Variants in RYK observed in about 807,000 individuals in gnomAD.
RYK encodes the protein receptor like tyrosine kinase.
A neutral mutation model predicts 70.2 loss-of-function variants in RYK; 21 were observed. The ratio of observed to expected loss-of-function variants is 0.30; its 90% confidence interval spans 0.21 to 0.43. The LOEUF (loss-of-function observed/expected upper bound fraction) is 0.43. Among genes scored for constraint, RYK ranks in the 20% least tolerant of loss-of-function variants. The pLI is 1.00. For synonymous variants in RYK, 267 were observed against 278.0 expected (o/e 0.96, Z 0.39); for missense variants, 604 against 753.3 (o/e 0.80, Z 2.32).
intron 1 of RYK, among the ~76,000 whole-genome samples, chr3:134,233,344 A>C (rs769475084): frequency 6.6e-6 from 1 of 152,194 alleles, no homozygotes; most frequent in Non-Finnish European, 1.5e-5. Flanking sequence ...TTGATGTTAT[A>C]ACAGAAATGT....
intron 2 of RYK, 54 bp downstream of exon 2, chr3:134,222,364 G>T: frequency 6.2e-7 from 1 of 1,605,032 alleles, no homozygotes; most frequent in Non-Finnish European, 8.5e-7. Flanking sequence ...CACAGCCCTT[G>T]CCTCTGTGGC....
intron 10 of RYK, chr3:134,180,692 C>T (rs2013265009): frequency 6.6e-6 from 1 of 152,166 alleles, no homozygotes; most frequent in South Asian, 2.1e-4. Context: ...GTGATAGGCC[C>T]TGGTCACCTT....
intron 1 of RYK, among the ~76,000 whole-genome samples, chr3:134,238,502 A>G (rs972981404): frequency 6.6e-6 from 1 of 152,198 alleles, no homozygotes; most frequent in Non-Finnish European, 1.5e-5. Context: ...CCTAAAGAAA[A>G]GCAGGTAAGC....
intron 1 of RYK, among the ~76,000 whole-genome samples, chr3:134,248,958 A>G (rs2015539197): frequency 6.6e-6 from 1 of 152,130 alleles, no homozygotes; most frequent in African/African-American, 2.4e-5. Context: ...CAGGAATTCA[A>G]TGTCAGTCCC....
intron 11 of RYK, among the ~76,000 whole-genome samples, chr3:134,177,106 G>C (rs929325787): frequency 6.6e-6 from 1 of 151,762 alleles, no homozygotes; most frequent in African/African-American, 2.4e-5. Context: ...CCCAAAGTAC[G>C]AGCTCCTAGC....
chr3:134,178,556 T>C (rs2013189946), intron 10 of RYK: 1 of 152,176 alleles, frequency 6.6e-6, no homozygotes, highest in African/African-American at 2.4e-5. Flanking sequence ...AGCCAAAAAG[T>C]TCTTAGCTGG....
Position 134,230,879 on chromosome 3 carries a change from T to G in RYK, c.233-8340A>C, listed in dbSNP as rs149791558. Reference sequence around the variant, plus strand: ...AAAAAGGAATTAACACTCAATGGTTTTTACCTCTCTGCTTATCTCAAGAAG... The same window carrying G: ...AAAAAGGAATTAACACTCAATGGTTGTTACCTCTCTGCTTATCTCAAGAAG... On this transcript the variant is annotated intron_variant, in intron 1 of 14. Transcript: ENST00000623711. Among the ~76,000 whole-genome samples, 746 of 152,308 alleles carry G rather than the reference T, an allele frequency of 4.9e-3. 2 individuals carry two copies. The highest frequency in any genetic ancestry group is 0.017 in the African/African-American group (715 of 41,560).
intron 9 of RYK, 182 bp from the exon 10 acceptor site, chr3:134,183,253 T>A: frequency 2.6e-6 from 1 of 378,662 alleles, no homozygotes; most frequent in Non-Finnish European, 4.7e-6. Flanking sequence ...ATAGGTCAAT[T>A]TTCCCAGAAA....
At chr3:134,162,419 T>C (rs932110224) in intron 13 of RYK, among the ~76,000 whole-genome samples, 6 of 151,856 alleles carry the variant, frequency 4.0e-5, no homozygotes, top group Admixed American at 6.5e-5. Context: ...TTAACAGTGA[T>C]CATTAACATG....
At chr3:134,242,639 G>A (rs1169979867) in intron 1 of RYK, among the ~76,000 whole-genome samples, 3 of 152,122 alleles carry the variant, frequency 2.0e-5, no homozygotes, top group African/African-American at 4.8e-5. Context: ...GAACATTGGC[G>A]TAACTGCATC....
At chr3:134,173,326 C>T (rs2012986272) in intron 13 of RYK, among the ~76,000 whole-genome samples, 2 of 151,920 alleles carry the variant, frequency 1.3e-5, no homozygotes, top group Admixed American at 1.3e-4. Context: ...TGCTCATTCA[C>T]ATTAAGTGAA....
At chr3:134,211,718 C>A in intron 2 of RYK, 111 bp from the exon 3 acceptor site, 1 of 649,890 alleles carries the variant, frequency 1.5e-6, no homozygotes, top group Admixed American at 2.8e-5. Flanking sequence ...TTCATATGTA[C>A]AAATAATCTA....
At chr3:134,159,786 A>C (rs1410274060) in intron 13 of RYK, among the ~76,000 whole-genome samples, 1 of 152,270 alleles carries the variant, frequency 6.6e-6, no homozygotes, top group Non-Finnish European at 1.5e-5. Context: ...ATGAGGGGAA[A>C]TATAAGAAGT....
intron 2 of RYK, 93 bp downstream of exon 2, chr3:134,222,325 T>G: frequency 7.5e-7 from 1 of 1,326,220 alleles, no homozygotes; most frequent in Non-Finnish European, 1.1e-6. Flanking sequence ...AGCGGACCCT[T>G]CAGTACAGAC....
chr3:134,249,112 AGTC>A (rs1347509468), intron 1 of RYK, among the ~76,000 whole-genome samples: 1 of 152,202 alleles, frequency 6.6e-6, no homozygotes, highest in Non-Finnish European at 1.5e-5. Flanking sequence ...ATGTGATATG[AGTC>A]GTCTTGTATT....
intron 9 of RYK, chr3:134,183,375 C>A: frequency 1.8e-5 from 3 of 170,122 alleles, no homozygotes; most frequent in Non-Finnish European, 3.7e-5. Flanking sequence ...TCCTTTTTTC[C>A]TATTTAAATA....
intron 11 of RYK, among the ~76,000 whole-genome samples, chr3:134,176,594 A>T (rs1003657934): frequency 3.3e-5 from 5 of 151,710 alleles, no homozygotes; most frequent in Non-Finnish European, 7.4e-5. Flanking sequence ...ATTTTTTTTT[A>T]AATTAGCCAG....
intron 2 of RYK, among the ~76,000 whole-genome samples, chr3:134,217,777 T>C (rs772314917): frequency 4.6e-4 from 69 of 148,622 alleles, no homozygotes; most frequent in Non-Finnish European, 8.2e-4. Flanking sequence ...GGGATGGTAC[T>C]AGAAGGTGCA....
chr3:134,189,648 CAGG>C lies in RYK; in HGVS notation c.1016-728_1016-726del, dbSNP rs573366419. Among the ~76,000 whole-genome samples the C allele has an allele frequency of 2.0e-5, 3 of 146,416 alleles. No homozygotes were observed. The South Asian group carries it at 6.5e-4, about 32-fold the overall frequency. On this transcript the variant is annotated intron_variant, in intron 8 of 14. Transcript: ENST00000623711. ...ATTAGCCGGGCGTGGGAGGCTGAGG[CAGG>C]AGAACAGCATGAACCCGGGAGGTGG...
Sources: gnomAD v4.1 joint callset for allele counts (sites outside exome capture counted in the v4.1 genomes callset) on GRCh38, gnomAD v4.1.1 for gene constraint, MANE v1.5 for transcripts, NCBI Gene and HGNC (gene_info 2026-07-23, HGNC 2026-07-21) for gene names.